Variants in RALYL observed in about 807,000 individuals in gnomAD.
The protein encoded by RALYL is RNA-binding Raly-like protein.
A neutral mutation model predicts 35.1 loss-of-function variants in RALYL; 29 were observed. That is an observed-to-expected ratio of 0.83 (90% confidence interval 0.61 to 1.13). RALYL has a LOEUF of 1.13. Among genes scored for constraint, RALYL ranks in the 50% most tolerant of loss-of-function variants. The pLI, the probability that RALYL is intolerant of heterozygous loss-of-function variation, is 0.00. For missense variants in RALYL, 359 were observed against 360.4 expected, an observed-to-expected ratio of 1.00 and a Z score of 0.03; for synonymous variants, 120 against 127.6, an observed-to-expected ratio of 0.94 and a Z score of 0.40.
In RALYL at chr8:84,745,442, A is replaced by G. The variant is rs116577532; in HGVS notation, c.257-29137A>G. On this transcript the variant is annotated intron_variant, in intron 2 of 8. Coordinates refer to ENST00000521268, the MANE Select transcript of RALYL (RefSeq NM_173848.7). ...GCCCTAGGGTTTCTATTGTGTAATTAAGTGTACTACAGTGATTTTTAGGCA... is the reference window on the plus strand; with the variant it reads ...GCCCTAGGGTTTCTATTGTGTAATTGAGTGTACTACAGTGATTTTTAGGCA... Among the ~76,000 whole-genome samples, 311 of 152,112 alleles carry G rather than the reference A, an allele frequency of 2.0e-3. 1 individual carries two copies. The highest frequency in any genetic ancestry group is 7.3e-3 in the African/African-American group (303 of 41,538).
chr8:84,655,785 T>C (rs1408131412), intron 2 of RALYL, among the ~76,000 whole-genome samples: 1 of 152,136 alleles, frequency 6.6e-6, no homozygotes, highest in Non-Finnish European at 1.5e-5. Flanking sequence ...ATATCCTCAA[T>C]GAATATAACT....
chr8:84,917,341 A>T (rs1848643120), intron 8 of RALYL, among the ~76,000 whole-genome samples: 1 of 151,928 alleles, frequency 6.6e-6, no homozygotes, highest in African/African-American at 2.4e-5. Flanking sequence ...TGGAATGGAG[A>T]CAGGGAAAAA....
intron 7 of RALYL, among the ~76,000 whole-genome samples, chr8:84,882,579 T>C (rs1289819661): frequency 6.6e-6 from 1 of 152,108 alleles, no homozygotes; most frequent in Non-Finnish European, 1.5e-5. Flanking sequence ...TTGATATTTA[T>C]TTTAATTAGT....
chr8:84,252,520 A>C (rs1279654068), intron 1 of RALYL, among the ~76,000 whole-genome samples: 2 of 152,198 alleles, frequency 1.3e-5, no homozygotes, highest in African/African-American at 4.8e-5. Context: ...GCGCAGACCT[A>C]TTCTGAAGGC....
chr8:84,218,651 A>C (rs1295045484), intron 1 of RALYL, among the ~76,000 whole-genome samples: 1 of 152,022 alleles, frequency 6.6e-6, no homozygotes, highest in Non-Finnish European at 1.5e-5. Flanking sequence ...TTCTAACTCC[A>C]ACACTGATTG....
At chr8:84,477,045 T>C (rs887966400) in intron 1 of RALYL, among the ~76,000 whole-genome samples, 2 of 152,130 alleles carry the variant, frequency 1.3e-5, no homozygotes, top group African/African-American at 2.4e-5. Context: ...GCAAAAAACA[T>C]GGTGATAAAT....
At chr8:84,367,899 G>A (rs1476465564) in intron 1 of RALYL, among the ~76,000 whole-genome samples, 1 of 152,104 alleles carries the variant, frequency 6.6e-6, no homozygotes, top group Non-Finnish European at 1.5e-5. Flanking sequence ...TTAGAAAAAT[G>A]ATTCCAGATC....
At chr8:84,340,976 TG>T (rs1848680394) in intron 1 of RALYL, among the ~76,000 whole-genome samples, 1 of 152,034 alleles carries the variant, frequency 6.6e-6, no homozygotes, top group African/African-American at 2.4e-5. Context: ...TGCAAGTATT[TG>T]TTGTTATTTT....
intron 2 of RALYL, among the ~76,000 whole-genome samples, chr8:84,646,583 T>C (rs1194287603): frequency 6.6e-6 from 1 of 152,092 alleles, no homozygotes; most frequent in African/African-American, 2.4e-5. Flanking sequence ...GGTCTGATTT[T>C]TTTTCTATGG....
At chr8:84,204,641 T>A (rs1238295954) in intron 1 of RALYL, among the ~76,000 whole-genome samples, 1 of 152,180 alleles carries the variant, frequency 6.6e-6, no homozygotes, top group Non-Finnish European at 1.5e-5. Flanking sequence ...CCCAAAGTAC[T>A]GCTGTGATAC....
chr8:84,907,864 TA>T (rs941361975), intron 8 of RALYL, among the ~76,000 whole-genome samples: 3 of 151,350 alleles, frequency 2.0e-5, no homozygotes, highest in Admixed American at 6.6e-5. Flanking sequence ...GGACAAAATT[TA>T]AAAAAAAACC....
At chr8:84,888,534 C>CAA (rs1209054552) in intron 8 of RALYL, among the ~76,000 whole-genome samples, 1 of 152,060 alleles carries the variant, frequency 6.6e-6, no homozygotes, top group African/African-American at 2.4e-5. Context: ...CGCCAACTTC[C>CAA]AAATATCTAT....
At chr8:84,588,443 T>C (rs1324103759) in intron 2 of RALYL, among the ~76,000 whole-genome samples, 1 of 152,150 alleles carries the variant, frequency 6.6e-6, no homozygotes, top group Non-Finnish European at 1.5e-5. Context: ...TGTTCGGGTA[T>C]ATATAATGCA....
intron 1 of RALYL, among the ~76,000 whole-genome samples, chr8:84,319,006 T>C (rs1164775306): frequency 1.3e-5 from 2 of 151,816 alleles, no homozygotes; most frequent in East Asian, 3.9e-4. Flanking sequence ...ATTAACAGAG[T>C]TACGTGAATT....
At chr8:84,676,606 C>T (rs1392504859) in intron 2 of RALYL, among the ~76,000 whole-genome samples, 1 of 152,056 alleles carries the variant, frequency 6.6e-6, no homozygotes, top group Admixed American at 6.6e-5. Context: ...CATTTAAGGT[C>T]CCCACCCAAT....
chr8:84,801,302 A>G (rs1823193596), intron 3 of RALYL, among the ~76,000 whole-genome samples: 1 of 152,164 alleles, frequency 6.6e-6, no homozygotes, highest in South Asian at 2.1e-4. Flanking sequence ...CCAATGACCA[A>G]TAATCTTTTT....
chr8:84,738,175 A>G (rs1298206611), intron 2 of RALYL, among the ~76,000 whole-genome samples: 1 of 152,012 alleles, frequency 6.6e-6, no homozygotes, highest in African/African-American at 2.4e-5. Context: ...ATCACATAGT[A>G]TAGTATAATT....
chr8:84,731,006 G>A (rs986561709), intron 2 of RALYL, among the ~76,000 whole-genome samples: 2 of 152,084 alleles, frequency 1.3e-5, no homozygotes, highest in African/African-American at 4.8e-5. Context: ...GAAGAAATAG[G>A]GGATAGAGGA....
chr8:84,431,410 T>G (rs1415348787), intron 1 of RALYL, among the ~76,000 whole-genome samples: 1 of 152,092 alleles, frequency 6.6e-6, no homozygotes, highest in African/African-American at 2.4e-5. Flanking sequence ...TCAATATCAC[T>G]ATGAGGGAAA....
Sources: allele counts gnomAD v4.1 joint callset (sites outside exome capture counted in the v4.1 genomes callset), GRCh38; gene constraint gnomAD v4.1.1; transcripts MANE v1.5; gene names NCBI Gene and HGNC (gene_info 2026-07-23, HGNC 2026-07-21).